Variants in KIF12 observed in about 807,000 individuals in gnomAD.
KIF12 encodes kinesin-like protein KIF12.
A neutral mutation model predicts 87.9 loss-of-function variants in KIF12; 80 were observed. The ratio of observed to expected loss-of-function variants is 0.91; its 90% CI spans 0.76 to 1.10. The LOEUF is 1.10. Among genes scored for constraint, KIF12 ranks in the 50% least tolerant of loss-of-function variants. KIF12 has a pLI of 0.00. For synonymous variants in KIF12, 353 were observed against 348.5 expected (o/e 1.01, Z -0.14); for missense variants, 819 against 865.3 (o/e 0.95, Z 0.67).
Position 114,094,357 on chromosome 9 carries a change from G to T in KIF12, c.1218C>A (p.Cys406Ter), listed in dbSNP as rs1447903408. Reference protein sequence around the residue: ...RLQFQLDQMDCKASGLSGARV... With the variant: ...RLQFQLDQMD ...CTGCCTCCAGGAAGCCCATACCCTT[G>T]CAGTCCATTTGGTCCAGCTGGAACT... The change falls in exon 12 of 19, where the codon TGC becomes TGA. Residue 406 changes from cysteine to a stop codon, truncating the protein, a stop_gained. Transcript: ENST00000640217. LOFTEE classifies it high-confidence loss of function. 3 of 1,613,164 alleles carry T rather than the reference G, an allele frequency of 1.9e-6. No individual in the cohort carries two copies. Among genetic ancestry groups the T allele is most frequent in the Non-Finnish European group, 2.5e-6 (3 of 1,179,204 alleles).
chr9:114,094,936 T>C, intron 11 of KIF12, 87 bp downstream of exon 11: 1 of 1,211,232 alleles, frequency 8.3e-7, no homozygotes. Flanking sequence ...AGTCCAAGAC[T>C]TCAATCAAGG....
chr9:114,099,242 T>A lies in KIF12; in HGVS notation c.26+9A>T, dbSNP rs1847382539. ...AGGACTCCTCGAACCTGTCTGAAGATCTGCTTACCCGTCGGGTGACCCGCG... is the reference window on the plus strand; with the variant it reads ...AGGACTCCTCGAACCTGTCTGAAGAACTGCTTACCCGTCGGGTGACCCGCG... On this transcript the variant is annotated intron_variant, in intron 1 of 18. Transcript: ENST00000640217. 2.6e-6 allele frequency: 4 copies of A among 1,550,956 alleles called. No individual in the cohort carries two copies. Among genetic ancestry groups the A allele is most frequent in the African/African-American group, 2.7e-5 (2 of 73,024 alleles).
At chr9:114,092,030 C>T (rs748204624) in intron 18 of KIF12, 30 bp from the exon 19 acceptor site, 2 of 1,591,820 alleles carry the variant, frequency 1.3e-6, no homozygotes, top group Admixed American at 1.7e-5. Context: ...GAGGCCTGCC[C>T]TCTCCAGGGC....
At chr9:114,097,950 G>T in intron 5 of KIF12, 165 bp downstream of exon 5, 2 of 934,882 alleles carry the variant, frequency 2.1e-6, no homozygotes, top group Non-Finnish European at 1.6e-6. Flanking sequence ...CTCCAAATTG[G>T]GCAAGTCCCT....
At chr9:114,093,674 C>T (rs1012194324) in intron 14 of KIF12, among the ~76,000 whole-genome samples, 177 bp from the exon 15 acceptor site, 10 of 152,178 alleles carry the variant, frequency 6.6e-5, no homozygotes, top group Non-Finnish European at 1.3e-4. Context: ...TAAGTAGGCA[C>T]GACGATGAAC....
intron 13 of KIF12, 100 bp from the exon 14 acceptor site, chr9:114,094,072 G>A: frequency 6.9e-7 from 1 of 1,449,362 alleles, no homozygotes; most frequent in Non-Finnish European, 9.7e-7. Context: ...TCAGGAAGCA[G>A]GTGGGGACAT....
At chr9:114,098,482 C>CTGGAGGGGCGGGGCACCG (rs1847336159) in intron 3 of KIF12, 53 bp from the exon 4 acceptor site, 1 of 1,292,822 alleles carries the variant, frequency 7.7e-7, no homozygotes, top group African/African-American at 1.8e-5. Context: ...GCGGGGCACC[C>CTGGAGGGGCGGGGCACCG]TGGAGGGGCG....
chr9:114,096,372 G>C lies in KIF12; in HGVS notation c.738+15C>G. On this transcript the variant is annotated intron_variant, in intron 8 of 18. Transcript: ENST00000640217. ...GTGGCCCCGGGTAAGCACCTTCCCA[G>C]GCTGGAGCACTCACAGTTTGACGGC... is the stretch of plus-strand genomic sequence containing the variant. The C allele has an allele frequency of 6.2e-7, 1 of 1,610,500 alleles. No individual in the cohort carries two copies. Among genetic ancestry groups the C allele is most frequent in the Non-Finnish European group, 8.5e-7 (1 of 1,178,282 alleles).
At position 114,098,568 on chromosome 9, in the gene KIF12, G is replaced by T. The variant is rs1344010653; in HGVS notation, c.172-139C>A. ...GAGGAGGGCGGGGCACCCTGGAGAA[G>T]GGTAGGGCGCTCGGTGAGGCACTCG... On this transcript the variant is annotated intron_variant, in intron 3 of 18. Transcript: ENST00000640217. The T allele has an allele frequency of 1.4e-5, 9 of 663,294 alleles. No individual in the cohort carries two copies. The African/African-American group carries it at 1.7e-4, about 13-fold the overall frequency. The allele number at this position is 663,294 out of a possible 1,614,324, so 41.1% of individuals were successfully genotyped here.
Position 114,094,463 on chromosome 9 carries a change from G to C in KIF12, c.1120-8C>G, listed in dbSNP as rs1588502357. The C allele has an allele frequency of 3.8e-6, 6 of 1,572,892 alleles. No homozygotes were observed. The highest frequency in any genetic ancestry group is 5.2e-6 in the Non-Finnish European group (6 of 1,144,734). On this transcript the variant is annotated splice_region_variant and splice_polypyrimidine_tract_variant and intron_variant, in intron 11 of 18. Transcript: ENST00000640217. ...CTGCTTTGCCACAGGAGACTGTAGGGAAAGAGGCCCAGAGCCACCTTTATG... is the reference window on the plus strand; with the variant it reads ...CTGCTTTGCCACAGGAGACTGTAGGCAAAGAGGCCCAGAGCCACCTTTATG...
chr9:114,094,870 C>T (rs2134888693), intron 11 of KIF12, among the ~76,000 whole-genome samples, 153 bp downstream of exon 11: 1 of 152,328 alleles, frequency 6.6e-6, no homozygotes, highest in African/African-American at 2.4e-5. Context: ...CTGACCCCAT[C>T]CTATACAACC....
intron 18 of KIF12, 26 bp from the exon 19 acceptor site, chr9:114,092,026 T>A (rs1457516633): frequency 6.2e-7 from 1 of 1,600,622 alleles, no homozygotes; most frequent in Non-Finnish European, 8.5e-7. Context: ...ACTCGAGGCC[T>A]GCCCTCTCCA....
In KIF12 at chr9:114,099,012, C is replaced by A. The variant is rs745965894; in HGVS notation, c.94G>T (p.Val32Leu). The A allele has an allele frequency of 6.5e-7, 1 of 1,550,334 alleles. No homozygotes were observed. Among genetic ancestry groups the A allele is most frequent in the Non-Finnish European group, 8.7e-7 (1 of 1,146,850 alleles). The stretch of plus-strand genomic sequence containing the variant: ...AGCTCGGCCGCGCTCATGGGACGTA[C>A]CCTGGGGTCCGACAGAAGGGCAGAT... ...PETPIQVVLR[V>L]RPMSAAELRR... is the part of the protein sequence containing the mutation. The change falls in exon 3 of 19, where the codon GTA (valine) becomes TTA (leucine). Residue 32 changes from valine to leucine, a missense_variant and splice_region_variant. Physicochemically the swap from Val to Leu is conservative, Grantham distance 32. Transcript: ENST00000640217.
Position 114,096,098 on chromosome 9 carries a change from T to C in KIF12, c.848A>G (p.Glu283Gly), listed in dbSNP as rs779303654. The C allele has an allele frequency of 6.2e-7, 1 of 1,613,632 alleles. No homozygotes were observed. The highest frequency in any genetic ancestry group is 1.7e-5 in the Admixed American group (1 of 60,010). Reference protein sequence around the residue: ...EKVAATGSRGELMLEANSINR... With the variant: ...EKVAATGSRGGLMLEANSINR... ...GATGCTGTTAGCCTCAAGCATCAGC[T>C]CCCCACGGGATCCCGTGGCTGCTAC... Residue 283 changes from glutamate to glycine, a missense_variant, in exon 9 of 19, where the codon GAG (glutamate) becomes GGG (glycine). Glu to Gly is a moderately conservative substitution (Grantham distance 98). Coordinates refer to ENST00000640217, the MANE Select transcript of KIF12 (RefSeq NM_001388308.1).
At chr9:114,098,718 G>C (rs1405219709) in intron 3 of KIF12, among the ~76,000 whole-genome samples, 1 of 144,590 alleles carries the variant, frequency 6.9e-6, no homozygotes, top group Non-Finnish European at 1.5e-5. Context: ...TTGGGTGGGC[G>C]GGCACTCAGA....
intron 11 of KIF12, among the ~76,000 whole-genome samples, 161 bp from the exon 12 acceptor site, chr9:114,094,616 C>T (rs930530389): frequency 6.6e-6 from 1 of 152,198 alleles, no homozygotes; most frequent in Non-Finnish European, 1.5e-5. Flanking sequence ...GGAAGGGGCA[C>T]CTTGTCCTAA....
chr9:114,098,391 G>C lies in KIF12; in HGVS notation c.210C>G (p.Arg70=). The C allele has an allele frequency of 6.6e-7, 1 of 1,514,426 alleles. No individual in the cohort carries two copies. The highest frequency in any genetic ancestry group is 2.7e-5 in the East Asian group (1 of 37,464). The allele number at this position is 1,514,426 out of a possible 1,614,324, so 93.8% of individuals were successfully genotyped here. Residue 70 remains arginine (R), a synonymous_variant, in exon 4 of 19, where the codon CGC becomes CGG. Coordinates refer to ENST00000640217, the MANE Select transcript of KIF12 (RefSeq NM_001388308.1). ...PPGGGPEVAF[R]FGAVLDAART... ...GCGCCGCGTCTAGCACCGCACCGAA[G>C]CGGAACGCCACTTCTGGACCCCCGC...
chr9:114,092,785 T>C, intron 16 of KIF12, 143 bp from the exon 17 acceptor site: 1 of 1,474,438 alleles, frequency 6.8e-7, no homozygotes, highest in Non-Finnish European at 8.9e-7. Flanking sequence ...GGGTGGGGTC[T>C]TGGTCGCCTT....
At chr9:114,094,129 T>C in intron 13 of KIF12, 52 bp downstream of exon 13, 1 of 1,562,424 alleles carries the variant, frequency 6.4e-7, no homozygotes, top group Non-Finnish European at 8.8e-7. Context: ...AGAAGCAGCC[T>C]AGCAGTGATG....
Sources: gnomAD v4.1 joint callset for allele counts (sites outside exome capture counted in the v4.1 genomes callset) on GRCh38, gnomAD v4.1.1 for gene constraint, MANE v1.5 for transcripts, NCBI Gene and HGNC (gene_info 2026-07-23, HGNC 2026-07-21) for gene names.